Variants in RYR3 observed in about 807,000 individuals in gnomAD.
RYR3 encodes the protein ryanodine receptor 3, also known as brain ryanodine receptor-calcium release channel.
Under a neutral mutation model 584.3 loss-of-function variants are expected in RYR3, and 207 were observed. The ratio of observed to expected loss-of-function variants is 0.35; its 90% CI spans 0.32 to 0.40. The LOEUF (loss-of-function observed/expected upper bound fraction) is 0.40, where lower values mean the gene tolerates loss of function less well. Among genes scored for constraint, RYR3 ranks in the 10% least tolerant of loss-of-function variants. RYR3 has a pLI of 1.00. For synonymous variants in RYR3, 2,416 were observed against 2,248.5 expected (o/e 1.07, Z -2.11); for missense variants, 5,616 against 6,089.2 (o/e 0.92, Z 2.59).
intron 1 of RYR3, among the ~76,000 whole-genome samples, chr15:33,374,956 T>G (rs2040613841): frequency 6.6e-6 from 1 of 152,242 alleles, no homozygotes; most frequent in South Asian, 2.1e-4. Context: ...TCTTGAATAT[T>G]TATTATAATC....
At chr15:33,602,933 C>T (rs1345695722) in intron 17 of RYR3, among the ~76,000 whole-genome samples, 190 bp from the exon 18 acceptor site, 5 of 151,896 alleles carry the variant, frequency 3.3e-5, no homozygotes, top group Admixed American at 1.3e-4. Flanking sequence ...AACAGGGTCT[C>T]TCTTTGTTAC....
At position 33,834,303 on chromosome 15, in the gene RYR3, C is replaced by CAA. The variant is rs1388121771; in HGVS notation, c.11464-664_11464-663insAA. On this transcript the variant is annotated intron_variant, in intron 86 of 103. Transcript: ENST00000634891. ...TGTCTTAAACACACACACACACACA[C>CAA]ACACACACACACACACACACAGTGA... Among the ~76,000 whole-genome samples, 496 of 144,732 alleles carry CAA rather than the reference C, an allele frequency of 3.4e-3. 3 individuals carry two copies. The highest frequency in any genetic ancestry group is 0.011 in the African/African-American group (440 of 40,370). The allele number at this position is 144,732 out of a possible 152,430, so 94.9% of individuals were successfully genotyped here.
chr15:33,447,214 G>T (rs561923164), intron 1 of RYR3, among the ~76,000 whole-genome samples: 1 of 152,318 alleles, frequency 6.6e-6, no homozygotes. Flanking sequence ...GTAACCTTTT[G>T]TTCATTGCTT....
intron 1 of RYR3, among the ~76,000 whole-genome samples, chr15:33,409,361 AG>A (rs1213946989): frequency 2.1e-4 from 31 of 150,862 alleles, no homozygotes; most frequent in African/African-American, 7.3e-4. Context: ...AAAAAAAAAA[AG>A]AAAAAAGGCC....
chr15:33,420,362 C>T (rs1328551848), intron 1 of RYR3, among the ~76,000 whole-genome samples: 1 of 152,112 alleles, frequency 6.6e-6, no homozygotes, highest in Admixed American at 6.5e-5. Context: ...AGCCCAGGGC[C>T]TGTTTATAAG....
chr15:33,692,952 T>C (rs2065546690), intron 38 of RYR3, among the ~76,000 whole-genome samples: 1 of 152,194 alleles, frequency 6.6e-6, no homozygotes, highest in Admixed American at 6.5e-5. Context: ...AATTCTCTGT[T>C]GAAGAGAAGA....
At chr15:33,545,140 C>T (rs1207813993) in intron 8 of RYR3, among the ~76,000 whole-genome samples, 1 of 152,054 alleles carries the variant, frequency 6.6e-6, no homozygotes, top group Non-Finnish European at 1.5e-5. Context: ...TCTCTCTATT[C>T]CTGTTCTACT....
chr15:33,347,750 A>G (rs977756340), intron 1 of RYR3, among the ~76,000 whole-genome samples: 6 of 152,068 alleles, frequency 3.9e-5, no homozygotes, highest in African/African-American at 9.7e-5. Flanking sequence ...CCCCTTTGTC[A>G]TAGCCCATCA....
chr15:33,480,250 A>G (rs1054982077), intron 2 of RYR3, among the ~76,000 whole-genome samples: 7 of 152,200 alleles, frequency 4.6e-5, no homozygotes, highest in Non-Finnish European at 1.0e-4. Context: ...TCTGGCTCCA[A>G]CACTTAGCTG....
intron 2 of RYR3, among the ~76,000 whole-genome samples, chr15:33,494,450 G>A (rs1211221716): frequency 2.0e-5 from 3 of 152,168 alleles, no homozygotes; most frequent in Admixed American, 2.0e-4. Flanking sequence ...AAGTGCTTCT[G>A]CTTTAGAAGT....
chr15:33,480,551 CAGG>C (rs2049861864), intron 2 of RYR3, among the ~76,000 whole-genome samples: 2 of 152,100 alleles, frequency 1.3e-5, no homozygotes, highest in Non-Finnish European at 2.9e-5. Context: ...ATGTAAGAAT[CAGG>C]AGGATATTTG....
At chr15:33,393,626 C>G (rs569783770) in intron 1 of RYR3, among the ~76,000 whole-genome samples, 2 of 152,156 alleles carry the variant, frequency 1.3e-5, no homozygotes, top group Non-Finnish European at 2.9e-5. Context: ...AATTCGACAA[C>G]AAAGGGTGAT....
At chr15:33,706,877 C>T in intron 42 of RYR3, 42 bp from the exon 43 acceptor site, 1 of 1,550,754 alleles carries the variant, frequency 6.4e-7, no homozygotes, top group Non-Finnish European at 8.7e-7. Context: ...TAATAGCCAT[C>T]CTAATGCGTG....
chr15:33,856,216 C>G (rs1000614732), intron 98 of RYR3: 1 of 152,234 alleles, frequency 6.6e-6, no homozygotes, highest in East Asian at 1.9e-4. Flanking sequence ...TCCTAAACCA[C>G]CTGCTTTCTG....
chr15:33,758,746 G>A (rs935480249), intron 60 of RYR3, among the ~76,000 whole-genome samples: 5 of 152,188 alleles, frequency 3.3e-5, no homozygotes, highest in Admixed American at 2.0e-4. Flanking sequence ...CCTGCCTGCC[G>A]GCTCTGAACA....
intron 93 of RYR3, 150 bp downstream of exon 93, chr15:33,845,212 G>A: frequency 1.5e-6 from 1 of 688,222 alleles, no homozygotes; most frequent in Non-Finnish European, 2.4e-6. Flanking sequence ...CTTGGGAGCT[G>A]CCTAGACCTG....
chr15:33,633,920 A>G (rs111509183), intron 24 of RYR3, among the ~76,000 whole-genome samples: 176 of 152,354 alleles, frequency 1.2e-3, no homozygotes, highest in African/African-American at 4.1e-3. Context: ...AACTTAAATC[A>G]TGACATGATC....
intron 1 of RYR3, among the ~76,000 whole-genome samples, chr15:33,369,575 T>TATCC (rs1314860033): frequency 3.3e-5 from 5 of 151,776 alleles, no homozygotes; most frequent in African/African-American, 1.2e-4. Flanking sequence ...TTCCTTCATC[T>TATCC]ATCTATCTGT....
chr15:33,563,586 T>A (rs181857575), intron 11 of RYR3, among the ~76,000 whole-genome samples: 16 of 152,304 alleles, frequency 1.1e-4, no homozygotes, highest in Admixed American at 3.3e-4. Context: ...TAACAGTGTT[T>A]CTTTTGGTGG....
Sources: gnomAD v4.1 joint callset for allele counts (sites outside exome capture counted in the v4.1 genomes callset) on GRCh38, gnomAD v4.1.1 for gene constraint, MANE v1.5 for transcripts, NCBI Gene and HGNC (gene_info 2026-07-23, HGNC 2026-07-21) for gene names.